Variants in POU6F2 observed in about 807,000 individuals in gnomAD.
POU6F2 encodes the protein POU class 6 homeobox 2, also known as POU domain, class 6, transcription factor 2.
Under a neutral mutation model 71.3 loss-of-function variants are expected in POU6F2, and 31 were observed. That is an observed-to-expected ratio of 0.43 (90% confidence interval 0.33 to 0.59). The LOEUF is 0.59. POU6F2 is among the 20% of genes least tolerant of loss of function. The pLI is 0.04. For missense variants in POU6F2, 783 were observed against 856.8 expected (o/e 0.91, Z 1.07); for synonymous variants, 347 against 355.7 (o/e 0.98, Z 0.27).
At chr7:39,386,117 C>CA (rs531818996) in intron 5 of POU6F2, among the ~76,000 whole-genome samples, 20,125 of 91,076 alleles carry the variant, frequency 0.22, 1,928 homozygotes, top group East Asian at 0.52. Context: ...GACTCCGTCT[C>CA]AAAAAAAAAA....
At chr7:39,118,618 G>T (rs2128727077) in intron 2 of POU6F2, among the ~76,000 whole-genome samples, 1 of 152,206 alleles carries the variant, frequency 6.6e-6, no homozygotes, top group African/African-American at 2.4e-5. Context: ...AAACAGGATA[G>T]AAAAAATTAA....
intron 4 of POU6F2, among the ~76,000 whole-genome samples, chr7:39,321,264 C>A (rs1385204534): frequency 6.6e-6 from 1 of 152,106 alleles, no homozygotes; most frequent in Non-Finnish European, 1.5e-5. Context: ...CTTCATTATA[C>A]CTACTTTGTG....
chr7:39,020,960 T>G (rs187348599), intron 1 of POU6F2, among the ~76,000 whole-genome samples: 20 of 152,124 alleles, frequency 1.3e-4, no homozygotes, highest in Non-Finnish European at 2.1e-4. Flanking sequence ...TTTTTCCTTA[T>G]CATTTTTTTT....
At chr7:39,415,565 G>C (rs1787654722) in intron 6 of POU6F2, among the ~76,000 whole-genome samples, 1 of 152,158 alleles carries the variant, frequency 6.6e-6, no homozygotes, top group African/African-American at 2.4e-5. Context: ...TTTCTTTCAT[G>C]AGCATAGTTT....
intron 1 of POU6F2, among the ~76,000 whole-genome samples, chr7:39,009,408 G>T (rs368287222): frequency 0.081 from 12,291 of 152,000 alleles, 621 homozygotes; most frequent in East Asian, 0.12. Flanking sequence ...CTTATCAGCT[G>T]AAGGAGATTT....
In POU6F2 at chr7:39,460,649, A is replaced by G; in HGVS notation, c.1592A>G (p.Gln531Arg). ...CGGCGCCTGTCCCTTGGCCTGACCCAGACTCAGGTGGGACAGGCTCTCAGT... is the reference window on the plus strand; with the variant it reads ...CGGCGCCTGTCCCTTGGCCTGACCCGGACTCAGGTGGGACAGGCTCTCAGT... ...KIRRLSLGLT[Q>R]TQVGQALSAT... Residue 531 changes from glutamine (Q) to arginine (R), a missense_variant, in exon 9 of 10, where the codon CAG becomes CGG. Around this residue, in one of 2 missense-constraint regions of POU6F2, gnomAD observed 211 missense variants for 283.9 expected, o/e 0.74. Transcript: ENST00000518318. This position sits in a 1 kb window ranked among gnomAD's most constrained non-coding sequence, Gnocchi z 4.4. The G allele has an allele frequency of 6.2e-7, 1 of 1,610,052 alleles. No individual in the cohort carries two copies. Among genetic ancestry groups the G allele is most frequent in the Non-Finnish European group, 8.5e-7 (1 of 1,178,120 alleles).
At chr7:39,313,707 C>T (rs1785208811) in intron 4 of POU6F2, among the ~76,000 whole-genome samples, 1 of 152,064 alleles carries the variant, frequency 6.6e-6, no homozygotes, top group Non-Finnish European at 1.5e-5. Context: ...CTGACGAATA[C>T]CTAGCCTTTG....
intron 5 of POU6F2, among the ~76,000 whole-genome samples, chr7:39,398,001 A>G (rs1055155865): frequency 7.2e-5 from 11 of 151,746 alleles, no homozygotes; most frequent in Non-Finnish European, 1.5e-4. Flanking sequence ...TTTGTATTTT[A>G]GCAGAGTTAG....
intron 1 of POU6F2, among the ~76,000 whole-genome samples, chr7:39,005,524 T>A (rs972152768): frequency 1.2e-3 from 51 of 41,026 alleles, no homozygotes; most frequent in Non-Finnish European, 3.9e-3. Flanking sequence ...GTTTATGTTG[T>A]GTGTTGTGTT....
intron 4 of POU6F2, among the ~76,000 whole-genome samples, chr7:39,280,680 A>G (rs900541286): frequency 6.6e-6 from 1 of 152,240 alleles, no homozygotes; most frequent in African/African-American, 2.4e-5. Context: ...TTCACACTCT[A>G]TAATTGAACA....
intron 2 of POU6F2, among the ~76,000 whole-genome samples, chr7:39,140,688 C>T (rs987608674): frequency 2.0e-5 from 3 of 152,174 alleles, no homozygotes; most frequent in African/African-American, 7.2e-5. Flanking sequence ...TTAACTTTAT[C>T]ACATCTGCAA....
chr7:39,181,594 T>A (rs1029957059), intron 2 of POU6F2, among the ~76,000 whole-genome samples: 1 of 152,188 alleles, frequency 6.6e-6, no homozygotes, highest in Non-Finnish European at 1.5e-5. Flanking sequence ...CTTTGCAGAT[T>A]GGAGCCACAG....
intron 4 of POU6F2, among the ~76,000 whole-genome samples, chr7:39,327,398 G>A (rs981477319): frequency 6.6e-6 from 1 of 151,958 alleles, no homozygotes; most frequent in African/African-American, 2.4e-5. Flanking sequence ...TCTCTTCAGT[G>A]TGAATTCGCC....
intron 2 of POU6F2, among the ~76,000 whole-genome samples, chr7:39,089,219 A>C (rs547551508): frequency 6.6e-6 from 1 of 152,346 alleles, no homozygotes; most frequent in Non-Finnish European, 1.5e-5. Context: ...ACTGAGAAAC[A>C]TGTGGTTAGG....
At chr7:39,401,969 A>T (rs781208590) in intron 5 of POU6F2, among the ~76,000 whole-genome samples, 4 of 152,178 alleles carry the variant, frequency 2.6e-5, no homozygotes, top group Non-Finnish European at 5.9e-5. Flanking sequence ...GGAATATAAT[A>T]CCATAGCTAA....
At position 39,292,706 on chromosome 7, in the gene POU6F2, T is replaced by C. The variant is rs534710205; in HGVS notation, c.599-46936T>C. 3.0e-3 allele frequency among the ~76,000 whole-genome samples: 454 copies of C among 152,292 alleles called. 1 individual carries two copies. The highest frequency in any genetic ancestry group is 0.011 in the African/African-American group (438 of 41,558). ...CCATGGGGAGTTTTTCTTGCCTTTA[T>C]AGAGTCGAGAATCTTTTCATGACTG... On this transcript the variant is annotated intron_variant, in intron 4 of 9. Coordinates refer to ENST00000518318, the MANE Select transcript of POU6F2 (RefSeq NM_001370959.1).
intron 2 of POU6F2, among the ~76,000 whole-genome samples, chr7:39,110,061 A>G (rs1791773132): frequency 6.6e-6 from 1 of 152,172 alleles, no homozygotes; most frequent in Admixed American, 6.5e-5. Context: ...ACCTGAGGTC[A>G]GGAGTTTGAG....
At chr7:39,243,953 T>C (rs567880044) in intron 4 of POU6F2, among the ~76,000 whole-genome samples, 77 of 152,082 alleles carry the variant, frequency 5.1e-4, no homozygotes, top group African/African-American at 1.8e-3. Context: ...TTCTTAAAGC[T>C]TGTTGAGAGA....
At chr7:39,127,556 G>A (rs1792165279) in intron 2 of POU6F2, among the ~76,000 whole-genome samples, 1 of 152,182 alleles carries the variant, frequency 6.6e-6, no homozygotes, top group African/African-American at 2.4e-5. Flanking sequence ...TAATCCATCA[G>A]ATGGAGACAA....
Sources: allele counts gnomAD v4.1 joint callset (sites outside exome capture counted in the v4.1 genomes callset), GRCh38; gene constraint gnomAD v4.1.1; regional missense constraint gnomAD v4.1.1; non-coding constraint Gnocchi (gnomAD v3.1); transcripts MANE v1.5; gene names NCBI Gene and HGNC (gene_info 2026-07-23, HGNC 2026-07-21).